NCKAP5L: variants seen among roughly 807,000 people sequenced by gnomAD.
NCKAP5L encodes the protein NCK associated protein 5 like, also known as nck-associated protein 5-like.
Under a neutral mutation model 103.2 loss-of-function variants are expected in NCKAP5L, and 54 were observed. The ratio of observed to expected loss-of-function variants is 0.52; its 90% CI spans 0.42 to 0.66. NCKAP5L has a LOEUF of 0.66. NCKAP5L is among the 30% of genes least tolerant of loss of function. NCKAP5L has a pLI of 0.00. For missense variants in NCKAP5L, 1,733 were observed against 1,750.6 expected, an observed-to-expected ratio of 0.99 and a Z score of 0.18; for synonymous variants, 762 against 748.6, an observed-to-expected ratio of 1.02 and a Z score of -0.29.
chr12:49,802,833 G>A (rs893837184), intron 5 of NCKAP5L, 125 bp downstream of exon 5: 26 of 1,196,916 alleles, frequency 2.2e-5, no homozygotes, highest in African/African-American at 4.5e-5. Context: ...GAATGGACCC[G>A]CCCAAGGCGG....
intron 1 of NCKAP5L, among the ~76,000 whole-genome samples, chr12:49,826,133 C>A (rs1247126618): frequency 7.0e-6 from 1 of 143,630 alleles, no homozygotes; most frequent in Non-Finnish European, 1.5e-5. Context: ...GTGAGTACAG[C>A]AGTGAGGTGG....
chr12:49,794,259 G>A (rs566531812), intron 8 of NCKAP5L, among the ~76,000 whole-genome samples: 11 of 152,242 alleles, frequency 7.2e-5, no homozygotes, highest in Non-Finnish European at 1.3e-4. Context: ...GCACACCTGC[G>A]GTCCAAACCA....
chr12:49,807,362 A>C (rs929412009), intron 1 of NCKAP5L, among the ~76,000 whole-genome samples: 8 of 152,124 alleles, frequency 5.3e-5, no homozygotes, highest in African/African-American at 1.9e-4. Flanking sequence ...TTAAAGAGAC[A>C]GGGTCTCACC....
At position 49,810,142 on chromosome 12, in the gene NCKAP5L, A is replaced by C. The variant is rs548210868; in HGVS notation, c.-98-4101T>G. Reference sequence around the variant, plus strand: ...CAGAGCCCTCCTGCTCCCTGTCCACAGCATAACCCAGTAACAAAACTAGCA... The same window carrying C: ...CAGAGCCCTCCTGCTCCCTGTCCACCGCATAACCCAGTAACAAAACTAGCA... On this transcript the variant is annotated intron_variant, in intron 1 of 12. Transcript: ENST00000335999. Among the ~76,000 whole-genome samples, 618 of 135,094 alleles carry C rather than the reference A, an allele frequency of 4.6e-3. 6 individuals are homozygous for C. The highest frequency in any genetic ancestry group is 6.7e-3 in the Non-Finnish European group (432 of 64,116). 88.6% of individuals were successfully genotyped at this position (135,094 alleles called of 152,430 possible). A position where few individuals can be genotyped will look rare whatever the true frequency, so the allele number is the denominator to read the frequency against.
At chr12:49,822,954 G>A (rs549547030) in intron 1 of NCKAP5L, among the ~76,000 whole-genome samples, 3 of 152,222 alleles carry the variant, frequency 2.0e-5, no homozygotes, top group Non-Finnish European at 2.9e-5. Flanking sequence ...CCTCCCAGCT[G>A]TGGCATCCAA....
At chr12:49,819,582 A>C (rs756896189) in intron 1 of NCKAP5L, among the ~76,000 whole-genome samples, 17 of 152,182 alleles carry the variant, frequency 1.1e-4, no homozygotes, top group Non-Finnish European at 2.4e-4. Flanking sequence ...GGCCCAGACA[A>C]ATACCACGTG....
In NCKAP5L at chr12:49,795,634, T is replaced by C. The variant is rs1946024180; in HGVS notation, c.2226A>G (p.Gly742=). The change falls in exon 8 of 13, where the codon GGA becomes GGG. Residue 742 remains glycine (G), a synonymous_variant. Coordinates refer to ENST00000335999, the MANE Select transcript of NCKAP5L (RefSeq NM_001037806.4). The part of the protein sequence containing the change: ...GTNSLKQQEP[G]LMGDPGARVY... The stretch of plus-strand genomic sequence containing the variant: ...CTCGGGCCCCGGGATCCCCCATAAG[T>C]CCAGGTTCCTGCTGCTTCAGGCTGT... 1 of 1,610,172 alleles carries C rather than the reference T, an allele frequency of 6.2e-7. No individual in the cohort carries two copies.
chr12:49,808,458 G>A (rs779768158), intron 1 of NCKAP5L, among the ~76,000 whole-genome samples: 2 of 152,254 alleles, frequency 1.3e-5, no homozygotes, highest in African/African-American at 2.4e-5. Context: ...AAGCTTGGTG[G>A]TGGGGAGGAG....
At chr12:49,823,110 C>T (rs1946378890) in intron 1 of NCKAP5L, among the ~76,000 whole-genome samples, 1 of 152,128 alleles carries the variant, frequency 6.6e-6, no homozygotes, top group South Asian at 2.1e-4. Context: ...CTCCTAACCC[C>T]AGGCTGTGGT....
Position 49,820,274 on chromosome 12 carries a change from C to A in NCKAP5L, c.-99+8048G>T, listed in dbSNP as rs189586891. ...GAGGAGTGCTGGGCAGATACCCTTC[C>A]AGCTCCTAGTGCCCATCCCCCAAAC... On this transcript the variant is annotated intron_variant, in intron 1 of 12. Coordinates refer to ENST00000335999, the MANE Select transcript of NCKAP5L (RefSeq NM_001037806.4). 6.2e-3 allele frequency among the ~76,000 whole-genome samples: 933 copies of A among 151,308 alleles called. 39 individuals carry two copies. Among genetic ancestry groups the A allele is most frequent in the Admixed American group, 0.053 (800 of 15,216 alleles).
At position 49,792,874 on chromosome 12, in the gene NCKAP5L, C is replaced by T. The variant is rs772090249; in HGVS notation, c.3453G>A (p.Arg1151=). Residue 1151 remains arginine, a synonymous_variant, in exon 11 of 13, where the codon CGG becomes CGA. Coordinates refer to ENST00000335999, the MANE Select transcript of NCKAP5L (RefSeq NM_001037806.4). This position sits in a 1 kb window ranked among gnomAD's most constrained non-coding sequence, Gnocchi z 4.5. ...GGGGTACCCCAGGTGGGGGATCCAGCCGCGGTGGCTTGGTCTTAGGAAGAT... is the reference window on the plus strand; with the variant it reads ...GGGGTACCCCAGGTGGGGGATCCAGTCGCGGTGGCTTGGTCTTAGGAAGAT... ...SKNLPKTKPP[R]LDPPPGVPPA... 1.3e-6 allele frequency: 2 copies of T among 1,546,150 alleles called. No homozygotes were observed. Among genetic ancestry groups the T allele is most frequent in the Middle Eastern group, 1.8e-4 (1 of 5,612 alleles).
Position 49,802,634 on chromosome 12 carries a change from G to A in NCKAP5L, c.231+324C>T, listed in dbSNP as rs187573161. ...GTTAAAGTGGCCCCAATGTCAAGAA[G>A]TTATCCACCATAGGTGAGTAAATAT... is the stretch of plus-strand genomic sequence containing the variant. On this transcript the variant is annotated intron_variant, in intron 5 of 12. Transcript: ENST00000335999. The A allele has an allele frequency of 1.3e-4, 47 of 361,546 alleles. No individual in the cohort carries two copies. The Admixed American group carries it at 1.9e-3, about 14-fold the overall frequency. 22.4% of individuals were successfully genotyped at this position (361,546 alleles called of 1,614,324 possible). A position where few individuals can be genotyped will look rare whatever the true frequency, so the allele number is the denominator to read the frequency against.
At position 49,793,971 on chromosome 12, in the gene NCKAP5L, G is replaced by A. The variant is rs1945984495; in HGVS notation, c.3096-75C>T. 2.2e-6 allele frequency: 3 copies of A among 1,340,038 alleles called. No homozygotes were observed. The Admixed American group carries it at 9.8e-5, about 44-fold the overall frequency. 83.0% of individuals were successfully genotyped at this position (1,340,038 alleles called of 1,614,324 possible). A position where few individuals can be genotyped will look rare whatever the true frequency, so the allele number is the denominator to read the frequency against. On this transcript the variant is annotated intron_variant, in intron 8 of 12. Coordinates refer to ENST00000335999, the MANE Select transcript of NCKAP5L (RefSeq NM_001037806.4). ...CATTCCAGCCTTGCACCCGCCAATG[G>A]TGCTGGGCTTAGGGAGGCACTTCCT...
chr12:49,793,345 T>C lies in NCKAP5L; in HGVS notation c.3340+7A>G. ...CAGGCCCATCCTCAGCCCCTGACCC[T>C]GCTGACCTGTGAAGTGTGAGGTGGG... On this transcript the variant is annotated splice_region_variant and intron_variant, in intron 10 of 12. Coordinates refer to ENST00000335999, the MANE Select transcript of NCKAP5L (RefSeq NM_001037806.4). 6.2e-7 allele frequency: 1 copy of C among 1,605,602 alleles called. No individual in the cohort carries two copies. The highest frequency in any genetic ancestry group is 1.1e-5 in the South Asian group (1 of 91,070).
intron 1 of NCKAP5L, among the ~76,000 whole-genome samples, chr12:49,821,041 G>A (rs1946356093): frequency 1.3e-5 from 2 of 152,196 alleles, no homozygotes; most frequent in South Asian, 4.1e-4. Flanking sequence ...CCCTTGTGCG[G>A]GGTAAGGGTG....
At chr12:49,819,293 C>G (rs113468108) in intron 1 of NCKAP5L, among the ~76,000 whole-genome samples, 1 of 148,594 alleles carries the variant, frequency 6.7e-6, no homozygotes, top group Admixed American at 6.8e-5. Flanking sequence ...GCCTGGGCAA[C>G]GGTGCAAGAC....
At position 49,794,384 on chromosome 12, in the gene NCKAP5L, G is replaced by C. The variant is rs12314481; in HGVS notation, c.3095+381C>G. On this transcript the variant is annotated intron_variant, in intron 8 of 12. Coordinates refer to ENST00000335999, the MANE Select transcript of NCKAP5L (RefSeq NM_001037806.4). ...AACCACAACTCCTGTTGTGGCAGAT[G>C]TCAAAGGGCAAGATGGGAAGAGGAC... Among the ~76,000 whole-genome samples the C allele has an allele frequency of 4.8e-3, 732 of 152,284 alleles. 5 individuals are homozygous for C. Among genetic ancestry groups the C allele is most frequent in the African/African-American group, 0.017 (697 of 41,542 alleles).
At position 49,815,358 on chromosome 12, in the gene NCKAP5L, C is replaced by T. The variant is rs1946284939; in HGVS notation, c.-98-9317G>A. On this transcript the variant is annotated intron_variant, in intron 1 of 12. Coordinates refer to ENST00000335999, the MANE Select transcript of NCKAP5L (RefSeq NM_001037806.4). Reference sequence around the variant, plus strand: ...TTTCTATAAGGAATAATTGTCCCTTCATCCCATTTAATCATGTATTTATAT... The same window carrying T: ...TTTCTATAAGGAATAATTGTCCCTTTATCCCATTTAATCATGTATTTATAT... Among the ~76,000 whole-genome samples, 5 of 152,188 alleles carry T rather than the reference C, an allele frequency of 3.3e-5. 1 individual carries two copies. The highest frequency in any genetic ancestry group is 2.6e-4 in the Admixed American group (4 of 15,282).
At chr12:49,824,441 G>A (rs1270696635) in intron 1 of NCKAP5L, among the ~76,000 whole-genome samples, 2 of 152,246 alleles carry the variant, frequency 1.3e-5, no homozygotes, top group Non-Finnish European at 2.9e-5. Flanking sequence ...AAGCCCCCTT[G>A]CATCCTTGGT....
Sources: allele counts gnomAD v4.1 joint callset (sites outside exome capture counted in the v4.1 genomes callset), GRCh38; gene constraint gnomAD v4.1.1; non-coding constraint Gnocchi (gnomAD v3.1); transcripts MANE v1.5; gene names NCBI Gene and HGNC (gene_info 2026-07-23, HGNC 2026-07-21).